EYA2: variants seen among roughly 807,000 people sequenced by gnomAD.
The protein encoded by EYA2 is EYA transcriptional coactivator and phosphatase 2.
EYA2 carries 31 observed loss-of-function variants against 69.2 expected under a neutral mutation model. The ratio of observed to expected loss-of-function variants is 0.45; its 90% CI spans 0.34 to 0.60. The LOEUF (loss-of-function observed/expected upper bound fraction) is 0.60. EYA2 is among the 20% of genes least tolerant of loss of function. EYA2 has a pLI of 0.02. For missense variants in EYA2, 622 were observed against 701.2 expected, an observed-to-expected ratio of 0.89 and a Z score of 1.28; for synonymous variants, 257 against 279.4, an observed-to-expected ratio of 0.92 and a Z score of 0.80.
intron 1 of EYA2, among the ~76,000 whole-genome samples, chr20:46,903,261 T>C (rs994653680): frequency 6.6e-6 from 1 of 152,184 alleles, no homozygotes; most frequent in African/African-American, 2.4e-5. Context: ...TTTTGAGCTT[T>C]CTAATGTTTG....
chr20:46,987,069 G>A lies in EYA2; in HGVS notation c.-10-2932G>A, dbSNP rs576505487. 5.3e-5 allele frequency among the ~76,000 whole-genome samples: 8 copies of A among 152,306 alleles called. No homozygotes were observed. In the East Asian group the frequency reaches 1.5e-3, roughly 29 times the overall value. On this transcript the variant is annotated intron_variant, in intron 1 of 15. Coordinates refer to ENST00000327619, the MANE Select transcript of EYA2 (RefSeq NM_005244.5). ...ACAAAGATGGGTAAAACATACAAAA[G>A]TAGGGTACCCAGCATCCTGCTTAAC... is the stretch of plus-strand genomic sequence containing the variant.
At chr20:47,147,748 CTG>C (rs2033731742) in intron 10 of EYA2, among the ~76,000 whole-genome samples, 1 of 152,178 alleles carries the variant, frequency 6.6e-6, no homozygotes, top group South Asian at 2.1e-4. Context: ...GGGAAAGAAT[CTG>C]TGGGGTTTAA....
At chr20:46,994,246 A>G (rs143645961) in intron 2 of EYA2, among the ~76,000 whole-genome samples, 1 of 152,330 alleles carries the variant, frequency 6.6e-6, no homozygotes, top group African/African-American at 2.4e-5. Flanking sequence ...ATGCTCATGC[A>G]GTCCTTGCCA....
intron 5 of EYA2, among the ~76,000 whole-genome samples, chr20:47,044,530 G>A (rs1420412306): frequency 1.3e-5 from 2 of 152,062 alleles, no homozygotes; most frequent in African/African-American, 4.8e-5. Context: ...GGGGGTGGGG[G>A]CAATAGCAAG....
chr20:46,975,591 G>C (rs1234990523), intron 1 of EYA2, among the ~76,000 whole-genome samples: 3 of 152,194 alleles, frequency 2.0e-5, no homozygotes, highest in Non-Finnish European at 4.4e-5. Context: ...TTGACCAAAT[G>C]ATGGGCCCTT....
chr20:47,014,465 G>C (rs922758206), intron 4 of EYA2, among the ~76,000 whole-genome samples: 4 of 152,202 alleles, frequency 2.6e-5, no homozygotes, highest in African/African-American at 7.2e-5. Flanking sequence ...TGATGTGGTT[G>C]TGGAGAAGCA....
intron 5 of EYA2, among the ~76,000 whole-genome samples, chr20:47,066,695 G>A (rs1009996801): frequency 2.0e-5 from 3 of 152,182 alleles, no homozygotes; most frequent in Non-Finnish European, 4.4e-5. Context: ...TCTGGGAATT[G>A]TAGTTTTTAT....
At chr20:47,075,781 G>A (rs1346289414) in intron 7 of EYA2, among the ~76,000 whole-genome samples, 1 of 152,074 alleles carries the variant, frequency 6.6e-6, no homozygotes, top group African/African-American at 2.4e-5. Context: ...GAGGTTTAGT[G>A]TACAGATAAT....
intron 5 of EYA2, among the ~76,000 whole-genome samples, chr20:47,053,743 G>C (rs760846994): frequency 1.5e-4 from 22 of 151,038 alleles, no homozygotes; most frequent in Non-Finnish European, 2.5e-4. Flanking sequence ...GTGAATATTG[G>C]TTCTTGGGAG....
rs145671594 is a variant in EYA2 at position 47,068,587 on chromosome 20, ACT to A, written c.416-3593_416-3592del. On this transcript the variant is annotated intron_variant, in intron 5 of 15. Transcript: ENST00000327619. Reference sequence around the variant, plus strand: ...CCAACTCTAGACTAACTCAAATCAGACTCTCTGTGGGAAGGGCCCTCAGACTG... The same window carrying A: ...CCAACTCTAGACTAACTCAAATCAGACTCTGTGGGAAGGGCCCTCAGACTG... Among the ~76,000 whole-genome samples the A allele has an allele frequency of 5.3e-3, 790 of 150,122 alleles. 7 individuals carry two copies. The highest frequency in any genetic ancestry group is 0.019 in the African/African-American group (760 of 40,962).
intron 3 of EYA2, among the ~76,000 whole-genome samples, chr20:47,004,237 A>T (rs1242538592): frequency 3.3e-5 from 5 of 152,212 alleles, no homozygotes; most frequent in African/African-American, 1.2e-4. Context: ...CTCGAGAGAG[A>T]TTAAGAATGG....
At chr20:46,900,276 A>T (rs1277888289) in intron 1 of EYA2, among the ~76,000 whole-genome samples, 1 of 152,236 alleles carries the variant, frequency 6.6e-6, no homozygotes, top group Non-Finnish European at 1.5e-5. Flanking sequence ...GGAGGGTTTG[A>T]CTACTGTATA....
intron 1 of EYA2, among the ~76,000 whole-genome samples, chr20:46,955,308 CATT>C (rs889583608): frequency 6.6e-6 from 1 of 152,118 alleles, no homozygotes. Flanking sequence ...GCCCAGCTGT[CATT>C]ATTTATTTAA....
intron 1 of EYA2, among the ~76,000 whole-genome samples, chr20:46,941,664 CCTTAT>C (rs1986160238): frequency 6.6e-6 from 1 of 152,108 alleles, no homozygotes; most frequent in South Asian, 2.1e-4. Flanking sequence ...ATACTCATGC[CCTTAT>C]CTTAAAGGCT....
intron 1 of EYA2, among the ~76,000 whole-genome samples, chr20:46,926,654 C>T (rs1985427467): frequency 6.6e-6 from 1 of 152,196 alleles, no homozygotes; most frequent in Non-Finnish European, 1.5e-5. Context: ...AATGTTTCAT[C>T]TGGGCACCCT....
At chr20:47,079,418 C>A (rs1348342674) in intron 7 of EYA2, among the ~76,000 whole-genome samples, 1 of 152,144 alleles carries the variant, frequency 6.6e-6, no homozygotes, top group African/African-American at 2.4e-5. Flanking sequence ...AGGCCACCTG[C>A]CTTCCTTGGC....
chr20:46,973,988 A>T (rs923357217), intron 1 of EYA2, among the ~76,000 whole-genome samples: 1 of 152,178 alleles, frequency 6.6e-6, no homozygotes, highest in Non-Finnish European at 1.5e-5. Flanking sequence ...TCAGTGGCAG[A>T]TGGCAGAAGA....
intron 1 of EYA2, among the ~76,000 whole-genome samples, chr20:46,961,206 G>A (rs758537782): frequency 1.3e-5 from 2 of 152,132 alleles, no homozygotes; most frequent in South Asian, 2.1e-4. Context: ...GTGGTGGTGC[G>A]TGCCAGCTAT....
chr20:47,108,519 C>T (rs1378358872), intron 9 of EYA2, among the ~76,000 whole-genome samples: 2 of 152,174 alleles, frequency 1.3e-5, no homozygotes, highest in Non-Finnish European at 2.9e-5. Context: ...TCCTTTATAG[C>T]AACACAAATG....
Sources: allele counts gnomAD v4.1 joint callset (sites outside exome capture counted in the v4.1 genomes callset), GRCh38; gene constraint gnomAD v4.1.1; transcripts MANE v1.5; gene names NCBI Gene and HGNC (gene_info 2026-07-23, HGNC 2026-07-21).